The following LDAH variants were observed in gnomAD, a reference collection of about 807,000 sequenced individuals.
LDAH encodes the protein lipid droplet associated hydrolase.
A neutral mutation model predicts 29.6 loss-of-function variants in LDAH; 26 were observed. The observed-to-expected ratio is 0.88, with a 90% confidence interval of 0.64 to 1.22. LDAH has a LOEUF of 1.22. LDAH is among the 50% of genes most tolerant of loss of function. LDAH has a pLI of 0.00. For missense variants in LDAH, 344 were observed against 387.3 expected, an observed-to-expected ratio of 0.89 and a Z score of 0.94; for synonymous variants, 117 against 133.0, an observed-to-expected ratio of 0.88 and a Z score of 0.83.
intron 6 of LDAH, among the ~76,000 whole-genome samples, chr2:20,696,650 C>T (rs888795665): frequency 6.6e-6 from 1 of 152,126 alleles, no homozygotes; most frequent in Non-Finnish European, 1.5e-5. Flanking sequence ...AGTTTATAAA[C>T]CAAACATGAG....
intron 2 of LDAH, among the ~76,000 whole-genome samples, chr2:20,797,542 C>T (rs113282030): frequency 1.2e-4 from 18 of 152,112 alleles, no homozygotes; most frequent in African/African-American, 3.6e-4. Flanking sequence ...GGTTTTAGTA[C>T]TGAAAGTCTT....
chr2:20,722,910 T>C (rs1267943414), intron 5 of LDAH, among the ~76,000 whole-genome samples: 1 of 152,200 alleles, frequency 6.6e-6, no homozygotes, highest in East Asian at 1.9e-4. Context: ...GGAGTACACA[T>C]TGGTACAACC....
At chr2:20,748,196 A>G (rs1041409722) in intron 4 of LDAH, among the ~76,000 whole-genome samples, 1 of 152,186 alleles carries the variant, frequency 6.6e-6, no homozygotes, top group African/African-American at 2.4e-5. Flanking sequence ...TTAAGATGGT[A>G]CTCAAGAAAC....
intron 4 of LDAH, among the ~76,000 whole-genome samples, chr2:20,772,182 G>A (rs1296091097): frequency 6.6e-6 from 1 of 152,172 alleles, no homozygotes; most frequent in African/African-American, 2.4e-5. Context: ...ATCACATGCA[G>A]AACAGATCTG....
intron 5 of LDAH, among the ~76,000 whole-genome samples, chr2:20,713,889 T>TA (rs1664961852): frequency 6.6e-6 from 1 of 152,132 alleles, no homozygotes; most frequent in Non-Finnish European, 1.5e-5. Context: ...AGGAAGTCCT[T>TA]AGAGACCTAC....
chr2:20,763,894 T>C (rs1427233472), intron 4 of LDAH, among the ~76,000 whole-genome samples: 2 of 152,246 alleles, frequency 1.3e-5, no homozygotes, highest in African/African-American at 4.8e-5. Flanking sequence ...CCGTTTTCAC[T>C]TTCTTGCAGC....
chr2:20,713,081 T>C (rs1163832202), intron 5 of LDAH, among the ~76,000 whole-genome samples: 2 of 151,886 alleles, frequency 1.3e-5, no homozygotes, highest in South Asian at 2.1e-4. Context: ...CCAAGACACA[T>C]AATTGTCAGA....
At chr2:20,806,772 T>A (rs1247048225) in intron 1 of LDAH, among the ~76,000 whole-genome samples, 1 of 151,610 alleles carries the variant, frequency 6.6e-6, no homozygotes, top group East Asian at 1.9e-4. Flanking sequence ...ACAAAATGTA[T>A]GAAATGCAGA....
At chr2:20,691,375 CT>C (rs773376010) in intron 6 of LDAH, among the ~76,000 whole-genome samples, 15 of 152,228 alleles carry the variant, frequency 9.9e-5, no homozygotes, top group Admixed American at 7.2e-4. Flanking sequence ...CGAAGTCTCC[CT>C]ATGTTTCCCA....
intron 4 of LDAH, among the ~76,000 whole-genome samples, chr2:20,746,557 A>C (rs1667582709): frequency 6.6e-6 from 1 of 152,146 alleles, no homozygotes; most frequent in Non-Finnish European, 1.5e-5. Flanking sequence ...TTGCCTTTGG[A>C]GAACAACAAT....
chr2:20,776,033 T>C (rs1026142198), intron 3 of LDAH, among the ~76,000 whole-genome samples: 3 of 152,168 alleles, frequency 2.0e-5, no homozygotes, highest in South Asian at 2.1e-4. Context: ...TATGAACATA[T>C]ATATAACCCA....
At chr2:20,739,916 T>C in intron 5 of LDAH, 55 bp downstream of exon 5, 1 of 1,362,214 alleles carries the variant, frequency 7.3e-7, no homozygotes, top group Non-Finnish European at 1.0e-6. Context: ...GAGAGTATTG[T>C]GTAAACATTT....
intron 2 of LDAH, among the ~76,000 whole-genome samples, chr2:20,792,571 T>A (rs778190662): frequency 6.6e-6 from 1 of 152,198 alleles, no homozygotes; most frequent in African/African-American, 2.4e-5. Context: ...AATATCTCTA[T>A]AAAGTAGTTG....
intron 1 of LDAH, among the ~76,000 whole-genome samples, chr2:20,818,235 T>G (rs939240506): frequency 6.6e-6 from 1 of 152,112 alleles, no homozygotes; most frequent in African/African-American, 2.4e-5. Context: ...CCTGTAAAGT[T>G]TTTTGCAACT....
intron 4 of LDAH, among the ~76,000 whole-genome samples, chr2:20,755,407 A>T (rs1323564966): frequency 6.6e-6 from 1 of 152,164 alleles, no homozygotes; most frequent in Non-Finnish European, 1.5e-5. Flanking sequence ...TCACCTTTGA[A>T]CATATTAATT....
At chr2:20,695,509 G>A (rs960634674) in intron 6 of LDAH, among the ~76,000 whole-genome samples, 1 of 150,248 alleles carries the variant, frequency 6.7e-6, no homozygotes, top group African/African-American at 2.5e-5. Flanking sequence ...CTGGAGTGCA[G>A]TAGCATGATC....
intron 5 of LDAH, among the ~76,000 whole-genome samples, chr2:20,704,174 T>C (rs994730065): frequency 1.3e-5 from 2 of 152,234 alleles, no homozygotes; most frequent in African/African-American, 4.8e-5. Context: ...CCCTTAAATA[T>C]AGCCATGATA....
chr2:20,809,866 C>T (rs917114080), intron 1 of LDAH, among the ~76,000 whole-genome samples: 1 of 152,134 alleles, frequency 6.6e-6, no homozygotes, highest in Non-Finnish European at 1.5e-5. Flanking sequence ...ACTATGAAGG[C>T]CTTGAATGGC....
chr2:20,796,145 A>G (rs1405305147), intron 2 of LDAH, among the ~76,000 whole-genome samples: 2 of 152,004 alleles, frequency 1.3e-5, no homozygotes, highest in Non-Finnish European at 2.9e-5. Flanking sequence ...TTCACTGAAT[A>G]CTCCCTTTAT....
Sources: gnomAD v4.1 joint callset for allele counts (sites outside exome capture counted in the v4.1 genomes callset) on GRCh38, gnomAD v4.1.1 for gene constraint, MANE v1.5 for transcripts, NCBI Gene and HGNC (gene_info 2026-07-23, HGNC 2026-07-21) for gene names.